Variants in KCNH7 observed in about 807,000 individuals in gnomAD.
KCNH7 encodes voltage-gated inwardly rectifying potassium channel KCNH7.
In KCNH7, 49 loss-of-function variants were observed where a neutral mutation model predicts 120.8. The ratio of observed to expected loss-of-function variants is 0.41; its 90% CI spans 0.32 to 0.51. The LOEUF is 0.51. Ranked by LOEUF, KCNH7 falls within the 20% of genes least tolerant of loss-of-function variation. The pLI, the probability that KCNH7 is intolerant of heterozygous loss-of-function variation, is 0.38. For missense variants in KCNH7, 1,097 were observed against 1,446.6 expected (o/e 0.76, Z 3.92); for synonymous variants, 547 against 516.1 (o/e 1.06, Z -0.81).
intron 2 of KCNH7, among the ~76,000 whole-genome samples, chr2:162,819,763 A>G (rs1685042814): frequency 6.6e-6 from 1 of 152,196 alleles, no homozygotes; most frequent in Admixed American, 6.5e-5. Flanking sequence ...ACAAGAATAA[A>G]TGGCTCCTAA....
At chr2:162,397,647 C>T (rs554144428) in intron 10 of KCNH7, among the ~76,000 whole-genome samples, 5 of 151,900 alleles carry the variant, frequency 3.3e-5, no homozygotes, top group Admixed American at 3.3e-4. Context: ...CACATACTAC[C>T]TGCTTTTCAA....
chr2:162,385,894 C>T (rs182809050), intron 12 of KCNH7, among the ~76,000 whole-genome samples: 1 of 151,932 alleles, frequency 6.6e-6, no homozygotes, highest in Admixed American at 6.6e-5. Context: ...TCCCATATGG[C>T]ATAGAAATTC....
chr2:162,465,413 C>T (rs1220363031), intron 6 of KCNH7, among the ~76,000 whole-genome samples: 2 of 152,094 alleles, frequency 1.3e-5, no homozygotes, highest in Non-Finnish European at 2.9e-5. Context: ...AAATTTTATT[C>T]AGATTTCCAA....
intron 2 of KCNH7, among the ~76,000 whole-genome samples, chr2:162,687,747 G>T (rs1240359093): frequency 6.6e-6 from 1 of 152,032 alleles, no homozygotes; most frequent in Non-Finnish European, 1.5e-5. Flanking sequence ...CAAGATTAAG[G>T]GTACATTAAT....
At position 162,613,487 on chromosome 2, in the gene KCNH7, C is replaced by T. The variant is rs1171584865; in HGVS notation, c.308-76407G>A. Among the ~76,000 whole-genome samples the T allele has an allele frequency of 4.0e-5, 6 of 151,764 alleles. No individual in the cohort carries two copies. The East Asian group carries it at 1.2e-3, about 29-fold the overall frequency. ...CTTAGTTACTAAGAATAAAATTATC[C>T]CCGAAGCCTGTTGTTGCAGCCTGTT... On this transcript the variant is annotated intron_variant, in intron 2 of 15. Transcript: ENST00000332142.
At chr2:162,459,163 G>A (rs1198296375) in intron 6 of KCNH7, among the ~76,000 whole-genome samples, 1 of 151,682 alleles carries the variant, frequency 6.6e-6, no homozygotes, top group Admixed American at 6.6e-5. Context: ...TACAAGAAGA[G>A]ATAGTATACA....
At chr2:162,516,375 T>C (rs1221214577) in intron 4 of KCNH7, among the ~76,000 whole-genome samples, 1 of 151,708 alleles carries the variant, frequency 6.6e-6, no homozygotes, top group East Asian at 2.0e-4. Flanking sequence ...AGTGGTAGTG[T>C]AAGGAGAGAC....
rs184264555 is a variant in KCNH7, at chr2:162,521,188, C to A, written c.464-3030G>T. Among the ~76,000 whole-genome samples the A allele has an allele frequency of 1.1e-3, 168 of 152,002 alleles. 1 individual carries two copies. Among genetic ancestry groups the A allele is most frequent in the African/African-American group, 3.8e-3 (156 of 41,538 alleles). ...GCCCATAGGCCTCAGAAGGGCAGGG[C>A]CCCAGGCTATTTTGCTTACTTAGCA... On this transcript the variant is annotated intron_variant, in intron 3 of 15. Transcript: ENST00000332142.
chr2:162,618,773 G>A (rs977210083), intron 2 of KCNH7, among the ~76,000 whole-genome samples: 4 of 152,094 alleles, frequency 2.6e-5, no homozygotes, highest in Non-Finnish European at 5.9e-5. Context: ...ATATACACTA[G>A]AGAAGGTGTG....
At position 162,659,446 on chromosome 2, in the gene KCNH7, A is replaced by T. The variant is rs549424899; in HGVS notation, c.308-122366T>A. On this transcript the variant is annotated intron_variant, in intron 2 of 15. Coordinates refer to ENST00000332142, the MANE Select transcript of KCNH7 (RefSeq NM_033272.4). ...AACCTTTGCTTCCCAGGTTCAAGCA[A>T]TTCTCCTGCCTCAGCCTCGTGAGTA... Among the ~76,000 whole-genome samples, 23 of 152,026 alleles carry T rather than the reference A, an allele frequency of 1.5e-4. No homozygotes were observed. In the South Asian group the frequency reaches 4.8e-3, roughly 32 times the overall value.
chr2:162,589,187 T>A (rs1175774899), intron 2 of KCNH7, among the ~76,000 whole-genome samples: 1 of 152,096 alleles, frequency 6.6e-6, no homozygotes. Context: ...ACTCTGGGGC[T>A]TTGTAGACCG....
intron 6 of KCNH7, among the ~76,000 whole-genome samples, chr2:162,488,268 C>G (rs1690169977): frequency 1.3e-5 from 2 of 152,192 alleles, no homozygotes. Context: ...TTGTATTTTA[C>G]TTCTTTACTT....
intron 11 of KCNH7, 132 bp downstream of exon 11, chr2:162,396,607 CT>C: frequency 1.5e-6 from 1 of 650,772 alleles, no homozygotes; most frequent in Non-Finnish European, 2.6e-6. Context: ...TTCAGTTGGC[CT>C]TTCCTTCCAA....
At chr2:162,581,169 A>G (rs1693854057) in intron 2 of KCNH7, among the ~76,000 whole-genome samples, 2 of 152,088 alleles carry the variant, frequency 1.3e-5, no homozygotes, top group Admixed American at 6.6e-5. Flanking sequence ...ATTTCTGAGC[A>G]GAAGAATTTC....
intron 2 of KCNH7, among the ~76,000 whole-genome samples, chr2:162,629,721 A>T (rs1410690821): frequency 6.6e-6 from 1 of 152,084 alleles, no homozygotes; most frequent in East Asian, 1.9e-4. Context: ...GTAGCTTGAA[A>T]TTGGCCATGG....
chr2:162,435,634 C>A, intron 7 of KCNH7, 37 bp from the exon 8 acceptor site: 3 of 1,527,694 alleles, frequency 2.0e-6, no homozygotes, highest in Non-Finnish European at 2.6e-6. Context: ...AAACGGTCGG[C>A]AAACAATTCA....
chr2:162,696,911 CT>C (rs35105645), intron 2 of KCNH7, among the ~76,000 whole-genome samples: 3,429 of 152,124 alleles, frequency 0.023, 72 homozygotes, highest in East Asian at 0.11. Flanking sequence ...TCTAACTGGT[CT>C]TTGGATGATG....
At chr2:162,457,831 A>T (rs1467803285) in intron 6 of KCNH7, among the ~76,000 whole-genome samples, 1 of 152,154 alleles carries the variant, frequency 6.6e-6, no homozygotes, top group African/African-American at 2.4e-5. Context: ...ATTATATAGC[A>T]TCGGGAAGGA....
intron 2 of KCNH7, among the ~76,000 whole-genome samples, chr2:162,731,783 G>T (rs904385590): frequency 6.6e-6 from 1 of 152,078 alleles, no homozygotes; most frequent in Non-Finnish European, 1.5e-5. Context: ...CAATTAGAGG[G>T]AGTATATTTA....
Sources: allele counts gnomAD v4.1 joint callset (sites outside exome capture counted in the v4.1 genomes callset), GRCh38; gene constraint gnomAD v4.1.1; transcripts MANE v1.5; gene names NCBI Gene and HGNC (gene_info 2026-07-23, HGNC 2026-07-21).